The following CMTR1 variants were observed in gnomAD, a reference collection of about 807,000 sequenced individuals.
CMTR1 encodes the protein cap-specific mRNA (nucleoside-2'-O-)-methyltransferase 1.
In CMTR1, 39 loss-of-function variants were observed where a neutral mutation model predicts 107.0. The ratio of observed to expected loss-of-function variants is 0.36; its 90% CI spans 0.28 to 0.48. The LOEUF (loss-of-function observed/expected upper bound fraction) is 0.48, where lower values mean the gene tolerates loss of function less well. CMTR1 is among the 20% of genes least tolerant of loss of function. CMTR1 has a pLI of 0.99. For missense variants in CMTR1, 672 were observed against 1,064.9 expected, an observed-to-expected ratio of 0.63 and a Z score of 5.14; for synonymous variants, 366 against 379.5, an observed-to-expected ratio of 0.96 and a Z score of 0.41.
chr6:37,424,729 T>C, the CMTR1 span, among the ~76,000 whole-genome samples: 1 of 152,178 alleles, frequency 6.6e-6, no homozygotes, highest in Non-Finnish European at 1.5e-5. Context: ...AAAGTGGCAT[T>C]ACAAACCTTA....
intron 13 of CMTR1, among the ~76,000 whole-genome samples, chr6:37,467,171 A>T (rs1761527839): frequency 6.6e-6 from 1 of 152,216 alleles, no homozygotes; most frequent in African/African-American, 2.4e-5. Context: ...TGTCTCAAAA[A>T]AAAGGATGCT....
chr6:37,477,476 A>T, intron 20 of CMTR1, 116 bp from the exon 21 acceptor site: 1 of 876,832 alleles, frequency 1.1e-6, no homozygotes, highest in Non-Finnish European at 1.9e-6. Flanking sequence ...GGGTGGTTTC[A>T]GGGAGGGCCT....
chr6:37,444,467 A>G (rs181383105), intron 3 of CMTR1, among the ~76,000 whole-genome samples: 27 of 152,320 alleles, frequency 1.8e-4, no homozygotes, highest in Non-Finnish European at 2.8e-4. Flanking sequence ...GTCAGTGGGT[A>G]AAGAAGCTTC....
At chr6:37,461,488 A>G in intron 10 of CMTR1, 61 bp from the exon 11 acceptor site, 1 of 860,544 alleles carries the variant, frequency 1.2e-6, no homozygotes. Context: ...TGAGGTAGTG[A>G]TGTTATTCTT....
In CMTR1 at chr6:37,480,836, TTC is replaced by T; in HGVS notation, c.*692_*693del. 1 of 1,148,880 alleles carries T rather than the reference TTC, an allele frequency of 8.7e-7. No individual in the cohort carries two copies. Among genetic ancestry groups the T allele is most frequent in the Non-Finnish European group, 1.1e-6 (1 of 922,690 alleles). 71.2% of individuals were successfully genotyped at this position (1,148,880 alleles called of 1,614,324 possible). On this transcript the variant is annotated 3_prime_UTR_variant, in exon 24 of 24. Coordinates refer to ENST00000373451, the MANE Select transcript of CMTR1 (RefSeq NM_015050.3). ...ACATTGAGATCCTGGGAGCCCTCTT[TTC>T]GTACTGAGTATGGAGTTGTAGAGCC...
intron 6 of CMTR1, among the ~76,000 whole-genome samples, chr6:37,452,287 G>T (rs903841992): frequency 1.3e-5 from 2 of 152,154 alleles, no homozygotes; most frequent in African/African-American, 4.8e-5. Flanking sequence ...TATAAAATGA[G>T]GAGAAAATAC....
intron 22 of CMTR1, 84 bp from the exon 23 acceptor site, chr6:37,479,063 A>G (rs1194020750): frequency 1.1e-6 from 1 of 920,026 alleles, no homozygotes; most frequent in Non-Finnish European, 1.8e-6. Flanking sequence ...GAATAGGACC[A>G]CCGGGAGTGG....
At chr6:37,446,234 G>A in intron 3 of CMTR1, 57 bp from the exon 4 acceptor site, 1 of 1,574,864 alleles carries the variant, frequency 6.3e-7, no homozygotes, top group Non-Finnish European at 8.7e-7. Flanking sequence ...ATGTGATGGG[G>A]CTAAATAAAT....
At chr6:37,462,748 G>T in intron 12 of CMTR1, 81 bp from the exon 13 acceptor site, 4 of 1,369,234 alleles carry the variant, frequency 2.9e-6, no homozygotes, top group Non-Finnish European at 4.1e-6. Flanking sequence ...TAAGCTTTGT[G>T]ATTCCACAAG....
chr6:37,481,334 C>CG lies in CMTR1; in HGVS notation c.*1189_*1190insG, dbSNP rs1761853368. On this transcript the variant is annotated 3_prime_UTR_variant, in exon 24 of 24. Transcript: ENST00000373451. ...GGCTGGTTTCCATGGAGATAGGGCA[C>CG]TGAGGCTCCCGTGAGGTTGGAATCG... The CG allele has an allele frequency of 8.3e-7, 1 of 1,198,994 alleles. No homozygotes were observed. Among genetic ancestry groups the CG allele is most frequent in the African/African-American group, 1.6e-5 (1 of 62,774 alleles). 74.3% of individuals were successfully genotyped at this position (1,198,994 alleles called of 1,614,324 possible).
intron 17 of CMTR1, among the ~76,000 whole-genome samples, chr6:37,474,219 T>G (rs538006723): frequency 6.6e-6 from 1 of 152,360 alleles, no homozygotes; most frequent in East Asian, 1.9e-4. Flanking sequence ...TAAACCCACC[T>G]TAGACATATA....
In CMTR1 at chr6:37,462,898, TAAACTC is replaced by T. The variant is rs1689122934; in HGVS notation, c.1398_1403del (p.Lys466_Leu467del). On this transcript the variant is annotated inframe_deletion, in exon 13 of 24. Transcript: ENST00000373451. Reference sequence around the variant, plus strand: ...GGGATTACCTCTTCGCAGTGAATATTAAACTCAATCAGCTGCGGAACACGGATTCCG... The same window carrying T: ...GGGATTACCTCTTCGCAGTGAATATTAATCAGCTGCGGAACACGGATTCCG... 6.2e-7 allele frequency: 1 copy of T among 1,614,002 alleles called. No individual in the cohort carries two copies. Among genetic ancestry groups the T allele is most frequent in the Admixed American group, 1.7e-5 (1 of 60,008 alleles).
At chr6:37,436,116 GA>G (rs958071219) in intron 2 of CMTR1, among the ~76,000 whole-genome samples, 5 of 152,188 alleles carry the variant, frequency 3.3e-5, no homozygotes, top group Non-Finnish European at 7.3e-5. Flanking sequence ...TTTTGTAAGG[GA>G]GGGCCTCTTT....
chr6:37,452,774 C>G (rs1761207859), intron 6 of CMTR1, among the ~76,000 whole-genome samples: 1 of 152,098 alleles, frequency 6.6e-6, no homozygotes, highest in African/African-American at 2.4e-5. Context: ...TAGCAATGCC[C>G]AGAGGTGGCT....
intron 10 of CMTR1, among the ~76,000 whole-genome samples, chr6:37,460,459 G>A (rs1227950480): frequency 6.6e-6 from 1 of 152,100 alleles, no homozygotes. Context: ...GTTGCTGTGC[G>A]GCAGCTATAG....
chr6:37,463,978 G>A (rs371135867), intron 13 of CMTR1, among the ~76,000 whole-genome samples: 1 of 152,172 alleles, frequency 6.6e-6, no homozygotes, highest in Non-Finnish European at 1.5e-5. Flanking sequence ...GGCTGAACAA[G>A]TGTGCATAGA....
At position 37,481,447 on chromosome 6, in the gene CMTR1, A is replaced by G; in HGVS notation, c.*1302A>G. ...TGCTGAGATGCTGTATTTCCACCCA[A>G]TTCTGGGTATATCAGTGTGTCTTGC... On this transcript the variant is annotated 3_prime_UTR_variant, in exon 24 of 24. Coordinates refer to ENST00000373451, the MANE Select transcript of CMTR1 (RefSeq NM_015050.3). 3.4e-6 allele frequency: 4 copies of G among 1,166,450 alleles called. No individual in the cohort carries two copies. Among genetic ancestry groups the G allele is most frequent in the African/African-American group, 1.6e-5 (1 of 62,148 alleles). 72.3% of individuals were successfully genotyped at this position (1,166,450 alleles called of 1,614,324 possible).
rs747910111 is a variant in CMTR1, at chr6:37,466,108, G to GTTTTTTTT, written c.1505+3105_1505+3106insTTTTTTTT. Among the ~76,000 whole-genome samples, 29 of 127,740 alleles carry GTTTTTTTT rather than the reference G, an allele frequency of 2.3e-4. 3 individuals are homozygous for GTTTTTTTT. The highest frequency in any genetic ancestry group is 2.5e-4 in the Non-Finnish European group (15 of 59,630). 83.8% of individuals were successfully genotyped at this position (127,740 alleles called of 152,430 possible). A position where few individuals can be genotyped will look rare whatever the true frequency, so the allele number is the denominator to read the frequency against. ...CTCTATGTTTTTAAAGAGTTTTACA[G>GTTTTTTTT]TTTTTGTTTTTTTTTTTTTTTTTGA... On this transcript the variant is annotated intron_variant, in intron 13 of 23. Coordinates refer to ENST00000373451, the MANE Select transcript of CMTR1 (RefSeq NM_015050.3).
intron 2 of CMTR1, among the ~76,000 whole-genome samples, chr6:37,439,746 C>T (rs1052190957): frequency 1.6e-4 from 25 of 152,196 alleles, no homozygotes; most frequent in Non-Finnish European, 3.4e-4. Context: ...TGCTGCCCAC[C>T]TTGGCCATTA....
Sources: allele counts gnomAD v4.1 joint callset (sites outside exome capture counted in the v4.1 genomes callset), GRCh38; gene constraint gnomAD v4.1.1; transcripts MANE v1.5; gene names NCBI Gene and HGNC (gene_info 2026-07-23, HGNC 2026-07-21).